Variants in HAO2 observed in about 807,000 individuals in gnomAD.
HAO2 encodes the protein 2-Hydroxyacid oxidase 2.
A neutral mutation model predicts 37.4 loss-of-function variants in HAO2; 42 were observed. The ratio of observed to expected loss-of-function variants is 1.12; its 90% CI spans 0.88 to 1.45. The LOEUF is 1.45. Among genes scored for constraint, HAO2 ranks in the 40% most tolerant of loss-of-function variants. The pLI is 0.00. For synonymous variants in HAO2, 180 were observed against 162.8 expected, an observed-to-expected ratio of 1.11 and a Z score of -0.81; for missense variants, 476 against 430.2, an observed-to-expected ratio of 1.11 and a Z score of -0.94.
At chr1:119,380,029 A>G (rs1345015035) in intron 1 of HAO2, among the ~76,000 whole-genome samples, 1 of 152,166 alleles carries the variant, frequency 6.6e-6, no homozygotes, top group Admixed American at 6.5e-5. Flanking sequence ...CTTAAAAGCC[A>G]TTCAGTTTCC....
Position 119,391,955 on chromosome 1 carries a change from G to A in HAO2, c.772-155G>A, listed in dbSNP as rs117625582. Among the ~76,000 whole-genome samples, 294 of 152,226 alleles carry A rather than the reference G, an allele frequency of 1.9e-3. 1 individual carries two copies. The East Asian group carries it at 0.036, about 19-fold the overall frequency. ...GGAGGGCCTCAGGAATGTGACTGCC[G>A]CTGCAGTTGATCAGCGCTAGCAGCC... On this transcript the variant is annotated intron_variant, in intron 5 of 7. Coordinates refer to ENST00000325945, the MANE Select transcript of HAO2 (RefSeq NM_016527.4).
intron 1 of HAO2, 47 bp from the exon 2 acceptor site, chr1:119,381,031 G>C: frequency 6.4e-7 from 1 of 1,558,822 alleles, no homozygotes; most frequent in Non-Finnish European, 8.8e-7. Context: ...TTCTGCATCT[G>C]AAGTGTTCTC....
Position 119,384,928 on chromosome 1 carries a change from G to C in HAO2, c.436G>C (p.Glu146Gln). 1 of 1,614,008 alleles carries C rather than the reference G, an allele frequency of 6.2e-7. No homozygotes were observed. The highest frequency in any genetic ancestry group is 8.5e-7 in the Non-Finnish European group (1 of 1,179,880). ...GAACAAACAGTTGATCCAGAGGGTA[G>C]AATCCCTAGGTTTCAAAGCTTTGGT... ...QLNKQLIQRV[E>Q]SLGFKALVIT... Residue 146 changes from glutamate (E) to glutamine (Q), a missense_variant, in exon 4 of 8, where the codon GAA becomes CAA. Coordinates refer to ENST00000325945, the MANE Select transcript of HAO2 (RefSeq NM_016527.4).
intron 4 of HAO2, 84 bp from the exon 5 acceptor site, chr1:119,386,538 G>A (rs1268452186): frequency 1.1e-5 from 9 of 839,054 alleles, no homozygotes; most frequent in Admixed American, 1.8e-5. Context: ...ATAAATGGCA[G>A]CTCTCTAAAT....
At chr1:119,388,050 C>T (rs184058477) in intron 5 of HAO2, among the ~76,000 whole-genome samples, 7 of 152,254 alleles carry the variant, frequency 4.6e-5, no homozygotes, top group Admixed American at 2.6e-4. Flanking sequence ...AGAGCTGAAC[C>T]GAAGTGGTTG....
rs200829935 is a variant in HAO2 at position 119,392,657 on chromosome 1, A to G, written c.970A>G (p.Asn324Asp). Residue 324 changes from asparagine (N) to aspartate (D), a missense_variant, in exon 7 of 8, where the codon AAT becomes GAT. Asn to Asp is a conservative substitution (Grantham distance 23). Coordinates refer to ENST00000325945, the MANE Select transcript of HAO2 (RefSeq NM_016527.4). ...GVKEVLNILT[N>D]EFHTSMALTG... ...TAAGGAAGTTTTGAACATTTTAACAAATGAGTTCCACACTTCCATGGCCCT... is the reference window on the plus strand; with the variant it reads ...TAAGGAAGTTTTGAACATTTTAACAGATGAGTTCCACACTTCCATGGCCCT... 5.0e-5 allele frequency: 80 copies of G among 1,609,364 alleles called. 1 individual carries two copies. The Admixed American group carries it at 7.3e-4, about 15-fold the overall frequency.
chr1:119,387,522 A>T (rs587657137), intron 5 of HAO2, among the ~76,000 whole-genome samples: 111 of 152,360 alleles, frequency 7.3e-4, no homozygotes, highest in African/African-American at 2.5e-3. Flanking sequence ...ATTAGAAAAC[A>T]TACATAAGCA....
chr1:119,392,421 C>T (rs1650987280), intron 6 of HAO2, 153 bp downstream of exon 6: 6 of 735,358 alleles, frequency 8.2e-6, no homozygotes, highest in Non-Finnish European at 1.4e-5. Context: ...CTTCTGAAGC[C>T]CATTGCAAAT....
chr1:119,392,481 C>T, intron 6 of HAO2, 137 bp from the exon 7 acceptor site: 2 of 754,414 alleles, frequency 2.7e-6, no homozygotes, highest in Non-Finnish European at 4.6e-6. Flanking sequence ...TCCTTTATTC[C>T]CAAGGTAATT....
At chr1:119,372,336 C>A (rs1239720192) in intron 1 of HAO2, among the ~76,000 whole-genome samples, 4 of 152,126 alleles carry the variant, frequency 2.6e-5, no homozygotes, top group Admixed American at 2.0e-4. Context: ...TGTTAAGATG[C>A]CTTTGAGGGT....
intron 4 of HAO2, 75 bp downstream of exon 4, chr1:119,385,128 A>G (rs1318366804): frequency 3.9e-6 from 6 of 1,539,314 alleles, no homozygotes; most frequent in Non-Finnish European, 4.4e-6. Context: ...CCTTTCCTCC[A>G]TTCTTTCTTT....
At chr1:119,389,672 G>A (rs889407015) in intron 5 of HAO2, among the ~76,000 whole-genome samples, 5 of 148,078 alleles carry the variant, frequency 3.4e-5, no homozygotes, top group East Asian at 2.0e-4. Flanking sequence ...TGAGTTCCTC[G>A]TAGATTCTGG....
chr1:119,376,066 T>A lies in HAO2; in HGVS notation c.-8-5012T>A, dbSNP rs144228780. On this transcript the variant is annotated intron_variant, in intron 1 of 7. Coordinates refer to ENST00000325945, the MANE Select transcript of HAO2 (RefSeq NM_016527.4). ...ACAGTTCCTCAAAGTCATAACTAAT[T>A]TCAGCATTAACTCAAAAATTCACAG... Among the ~76,000 whole-genome samples, 299 of 152,232 alleles carry A rather than the reference T, an allele frequency of 2.0e-3. 5 individuals are homozygous for A. Among genetic ancestry groups the A allele is most frequent in the Admixed American group, 7.1e-3 (108 of 15,286 alleles).
Position 119,385,147 on chromosome 1 carries a change from A to G in HAO2, c.561+94A>G, listed in dbSNP as rs186873716. ...TCCTCCATTCTTTCTTTCCACAGGC[A>G]TTTATCGAACACCTGCTCTGTGCCA... On this transcript the variant is annotated intron_variant, in intron 4 of 7. Transcript: ENST00000325945. The G allele has an allele frequency of 2.3e-4, 348 of 1,509,200 alleles. 2 individuals are homozygous for G. The Admixed American group carries it at 6.3e-3, about 27-fold the overall frequency. 93.5% of individuals were successfully genotyped at this position (1,509,200 alleles called of 1,614,324 possible).
chr1:119,384,676 C>A, intron 3 of HAO2, 100 bp from the exon 4 acceptor site: 1 of 911,526 alleles, frequency 1.1e-6, no homozygotes, highest in Non-Finnish European at 1.7e-6. Flanking sequence ...TATCTGCATT[C>A]ATGGGGCAAG....
intron 7 of HAO2, among the ~76,000 whole-genome samples, chr1:119,393,201 A>T (rs74114309): frequency 6.6e-6 from 1 of 152,030 alleles, no homozygotes; most frequent in Non-Finnish European, 1.5e-5. Flanking sequence ...TGCCTACTCA[A>T]GCCCACAACT....
chr1:119,379,511 T>A lies in HAO2; in HGVS notation c.-8-1567T>A, dbSNP rs912111844. ...TTGTAAATAAGCAACTGTGATATAA[T>A]TGGTACTTGCAATGATTAATTCATT... On this transcript the variant is annotated intron_variant, in intron 1 of 7. Coordinates refer to ENST00000325945, the MANE Select transcript of HAO2 (RefSeq NM_016527.4). Among the ~76,000 whole-genome samples the A allele has an allele frequency of 7.9e-5, 12 of 151,196 alleles. No homozygotes were observed. The South Asian group carries it at 2.5e-3, about 31-fold the overall frequency.
chr1:119,375,328 T>A lies in HAO2; in HGVS notation c.-8-5750T>A, dbSNP rs587616959. ...TGTGCTAAGTTCTTCACTTCCAAAT[T>A]TAGGAAAAGCTTTGAACAAGGAAGG... On this transcript the variant is annotated intron_variant, in intron 1 of 7. Transcript: ENST00000325945. 7.8e-4 allele frequency among the ~76,000 whole-genome samples: 118 copies of A among 152,230 alleles called. 1 individual carries two copies. The South Asian group carries it at 0.024, about 31-fold the overall frequency.
intron 1 of HAO2, chr1:119,370,090 C>T (rs1648858354): frequency 6.6e-6 from 1 of 152,122 alleles, no homozygotes; most frequent in Non-Finnish European, 1.5e-5. Flanking sequence ...ACAGCTTTGC[C>T]TTCTTGAGGA....
Sources: allele counts gnomAD v4.1 joint callset (sites outside exome capture counted in the v4.1 genomes callset), GRCh38; gene constraint gnomAD v4.1.1; transcripts MANE v1.5; gene names NCBI Gene and HGNC (gene_info 2026-07-23, HGNC 2026-07-21).